Variants in RANBP2 observed in about 807,000 individuals in gnomAD.
RANBP2 encodes the protein RAN binding protein 2.
In RANBP2, 57 loss-of-function variants were observed where a neutral mutation model predicts 303.6. The observed-to-expected ratio is 0.19, with a 90% CI of 0.15 to 0.23. RANBP2 has a LOEUF of 0.23. Among genes scored for constraint, RANBP2 ranks in the 10% least tolerant of loss-of-function variants. The pLI is 1.00. For synonymous variants in RANBP2, 1,167 were observed against 1,301.5 expected (o/e 0.90, Z 2.23); for missense variants, 3,138 against 3,780.8 (o/e 0.83, Z 4.46).
the RANBP2 span, among the ~76,000 whole-genome samples, chr2:108,802,442 G>A: frequency 3.5e-5 from 5 of 142,488 alleles, no homozygotes; most frequent in Non-Finnish European, 7.4e-5. Context: ...TCTGTTGTTG[G>A]TGTATAAGAA....
At chr2:108,727,173 C>T in intron 1 of RANBP2, among the ~76,000 whole-genome samples, 1 of 152,084 alleles carries the variant, frequency 6.6e-6, no homozygotes, top group East Asian at 1.9e-4. Flanking sequence ...GGGGTGGTGG[C>T]CGGGCAGAGG....
At chr2:108,929,256 T>C in the RANBP2 span, 1 of 1,614,164 alleles carries the variant, frequency 6.2e-7, no homozygotes, top group Non-Finnish European at 8.5e-7. Context: ...GTCAGCACGG[T>C]GGCCCGGAAG....
the RANBP2 span, among the ~76,000 whole-genome samples, chr2:108,799,476 C>T: frequency 6.6e-6 from 1 of 152,210 alleles, no homozygotes; most frequent in African/African-American, 2.4e-5. Context: ...AGCCTCAGCC[C>T]TTGGCAACCA....
At chr2:109,323,993 A>G in the RANBP2 span, among the ~76,000 whole-genome samples, 1 of 152,192 alleles carries the variant, frequency 6.6e-6, no homozygotes. Flanking sequence ...GCCCCTGGAA[A>G]ACACTAATGT....
chr2:109,090,334 A>G, the RANBP2 span, among the ~76,000 whole-genome samples: 1 of 142,106 alleles, frequency 7.0e-6, no homozygotes, highest in African/African-American at 2.6e-5. Context: ...ACACACACAC[A>G]CACACACACA....
At chr2:109,387,195 T>C in the RANBP2 span, among the ~76,000 whole-genome samples, 7 of 152,348 alleles carry the variant, frequency 4.6e-5, no homozygotes, top group East Asian at 1.3e-3. Context: ...GCTGTATCAG[T>C]ATTTCTGCCT....
At chr2:109,453,662 G>T in the RANBP2 span, among the ~76,000 whole-genome samples, 14 of 152,212 alleles carry the variant, frequency 9.2e-5, no homozygotes, top group Non-Finnish European at 1.2e-4. Flanking sequence ...CTGGCAGAGC[G>T]CAGGCACACG....
the RANBP2 span, among the ~76,000 whole-genome samples, chr2:109,009,719 T>G: frequency 6.6e-6 from 1 of 150,434 alleles, no homozygotes; most frequent in Non-Finnish European, 1.5e-5. Flanking sequence ...TTGTTTTTTT[T>G]TTTTTTGCAG....
At chr2:108,839,660 C>A in the RANBP2 span, among the ~76,000 whole-genome samples, 1 of 151,976 alleles carries the variant, frequency 6.6e-6, no homozygotes, top group African/African-American at 2.4e-5. Context: ...TGTCTTTTTA[C>A]TGTTGATGTT....
At chr2:109,709,042 C>T in the RANBP2 span, among the ~76,000 whole-genome samples, 4 of 150,296 alleles carry the variant, frequency 2.7e-5, no homozygotes, top group African/African-American at 9.8e-5. Context: ...GTGGGTCACG[C>T]CTATAATCCC....
At chr2:109,478,926 G>T in the RANBP2 span, among the ~76,000 whole-genome samples, 7 of 152,196 alleles carry the variant, frequency 4.6e-5, no homozygotes, top group Non-Finnish European at 7.4e-5. Flanking sequence ...GGCAGGGCAT[G>T]ACAGGAAGGC....
At chr2:109,060,047 G>A in the RANBP2 span, among the ~76,000 whole-genome samples, 1 of 152,090 alleles carries the variant, frequency 6.6e-6, no homozygotes, top group African/African-American at 2.4e-5. Context: ...TTCCAACCTG[G>A]ACTTAGACAT....
At chr2:109,166,848 A>G in the RANBP2 span, among the ~76,000 whole-genome samples, 1 of 152,224 alleles carries the variant, frequency 6.6e-6, no homozygotes, top group South Asian at 2.1e-4. Context: ...CCCATATATG[A>G]TTTTAACAAG....
At chr2:109,674,410 CAAAAAAAAAAAA>C in the RANBP2 span, among the ~76,000 whole-genome samples, 1 of 75,302 alleles carries the variant, frequency 1.3e-5, no homozygotes, top group Non-Finnish European at 2.4e-5. Flanking sequence ...CTTGTGTCTC[CAAAAAAAAAAAA>C]AAAAAAAAAA....
chr2:108,738,828 CCATG>C (rs1221348304), intron 6 of RANBP2, among the ~76,000 whole-genome samples: 2 of 151,170 alleles, frequency 1.3e-5, no homozygotes, highest in African/African-American at 4.9e-5. Context: ...AGGGGTTTCA[CCATG>C]TTGGCAAGGC....
At chr2:108,961,846 C>G in the RANBP2 span, among the ~76,000 whole-genome samples, 1 of 152,186 alleles carries the variant, frequency 6.6e-6, no homozygotes, top group Non-Finnish European at 1.5e-5. Context: ...ACACTAATGG[C>G]CCCTGTGCTG....
chr2:109,517,428 C>T, the RANBP2 span, among the ~76,000 whole-genome samples: 4,738 of 152,278 alleles, frequency 0.031, 101 homozygotes, highest in Non-Finnish European at 0.044. Flanking sequence ...CGGAAGCTGC[C>T]GAACCACCGC....
At chr2:109,607,796 T>C in the RANBP2 span, among the ~76,000 whole-genome samples, 1 of 152,242 alleles carries the variant, frequency 6.6e-6, no homozygotes, top group East Asian at 1.9e-4. Flanking sequence ...TGTTCACCCC[T>C]AGGGAAACTC....
the RANBP2 span, among the ~76,000 whole-genome samples, chr2:109,556,853 AGTTCAT>A: frequency 6.6e-6 from 1 of 152,208 alleles, no homozygotes; most frequent in African/African-American, 2.4e-5. Context: ...AAAAATGATG[AGTTCAT>A]GTCCTTTGTA....
Sources: allele counts gnomAD v4.1 joint callset (sites outside exome capture counted in the v4.1 genomes callset), GRCh38; gene constraint gnomAD v4.1.1; transcripts MANE v1.5; gene names NCBI Gene and HGNC (gene_info 2026-07-23, HGNC 2026-07-21).